COL4A4: variants seen among roughly 807,000 people sequenced by gnomAD.
COL4A4 encodes collagen type IV alpha 4 chain.
In COL4A4, 105 loss-of-function variants were observed where a neutral mutation model predicts 192.9. That is an observed-to-expected ratio of 0.54 (90% confidence interval 0.46 to 0.64). The LOEUF is 0.64. Ranked by LOEUF, COL4A4 falls within the 30% of genes least tolerant of loss-of-function variation. The probability of loss-of-function intolerance (pLI) is 0.00; values close to 1 mark genes in which losing one functional copy is unlikely to be tolerated. For missense variants in COL4A4, 1,967 were observed against 2,169.3 expected (o/e 0.91, Z 1.85); for synonymous variants, 762 against 769.9 (o/e 0.99, Z 0.17).
chr2:227,100,723 G>A (rs1283122347), intron 17 of COL4A4, among the ~76,000 whole-genome samples: 2 of 152,024 alleles, frequency 1.3e-5, no homozygotes, highest in Non-Finnish European at 2.9e-5. Flanking sequence ...ATCTTGAATG[G>A]TAACTCCTAC....
chr2:227,067,046 A>G (rs1401285248), intron 25 of COL4A4, among the ~76,000 whole-genome samples: 1 of 151,674 alleles, frequency 6.6e-6, no homozygotes, highest in Non-Finnish European at 1.5e-5. Context: ...TGGAAAACAA[A>G]AAAAGGCAGG....
At chr2:227,139,084 A>C (rs995943181) in intron 4 of COL4A4, among the ~76,000 whole-genome samples, 7 of 152,198 alleles carry the variant, frequency 4.6e-5, no homozygotes, top group African/African-American at 1.7e-4. Context: ...ATGAATGCCC[A>C]TATAAATGGG....
rs574465888 is a variant in COL4A4 at position 227,041,554 on chromosome 2, T to C, written c.3505+594A>G. The stretch of plus-strand genomic sequence containing the variant: ...TACTTAGGAGGCTGAGGCAGGAGAA[T>C]TGCTTGAACCTGGGAGGTGGAGGTT... On this transcript the variant is annotated intron_variant, in intron 37 of 47. Coordinates refer to ENST00000396625, the MANE Select transcript of COL4A4 (RefSeq NM_000092.5). 5.3e-5 allele frequency among the ~76,000 whole-genome samples: 8 copies of C among 150,642 alleles called. No individual in the cohort carries two copies. The South Asian group carries it at 1.7e-3, about 32-fold the overall frequency.
At chr2:227,031,286 C>G (rs957749066) in intron 40 of COL4A4, among the ~76,000 whole-genome samples, 1 of 152,064 alleles carries the variant, frequency 6.6e-6, no homozygotes, top group African/African-American at 2.4e-5. Context: ...CCTAAAGATT[C>G]AAAGATGATG....
At chr2:227,133,265 G>A (rs957097494) in intron 4 of COL4A4, among the ~76,000 whole-genome samples, 1 of 152,174 alleles carries the variant, frequency 6.6e-6, no homozygotes, top group Non-Finnish European at 1.5e-5. Context: ...ACTGCCTTCA[G>A]ACCCAAACCA....
chr2:227,051,296 T>A, intron 32 of COL4A4, 138 bp from the exon 33 acceptor site: 1 of 860,026 alleles, frequency 1.2e-6, no homozygotes, highest in Non-Finnish European at 1.9e-6. Flanking sequence ...AGCCGCTTCC[T>A]GATCATTTCT....
intron 28 of COL4A4, among the ~76,000 whole-genome samples, chr2:227,058,324 A>G (rs886634963): frequency 6.6e-6 from 1 of 152,114 alleles, no homozygotes; most frequent in Non-Finnish European, 1.5e-5. Context: ...TCTGCTGTGG[A>G]TAATACTACA....
the COL4A4 span, among the ~76,000 whole-genome samples, chr2:226,970,617 A>G: frequency 6.6e-6 from 1 of 152,236 alleles, no homozygotes; most frequent in African/African-American, 2.4e-5. Context: ...AAACATAGCG[A>G]GAGGCACTCA....
intron 4 of COL4A4, among the ~76,000 whole-genome samples, chr2:227,124,747 C>A (rs2061990613): frequency 6.6e-6 from 1 of 152,192 alleles, no homozygotes. Flanking sequence ...CAAACAATGA[C>A]TTCAGAGCAC....
intron 17 of COL4A4, among the ~76,000 whole-genome samples, chr2:227,100,966 G>A (rs1408766440): frequency 9.2e-5 from 14 of 151,882 alleles, no homozygotes; most frequent in Non-Finnish European, 5.9e-5. Flanking sequence ...CACCACGCCT[G>A]GCTAATTTTG....
chr2:227,030,415 A>G, intron 41 of COL4A4, 28 bp downstream of exon 41: 1 of 1,612,532 alleles, frequency 6.2e-7, no homozygotes, highest in Non-Finnish European at 8.5e-7. Flanking sequence ...AGTTATTCAC[A>G]TATTACTTAA....
At chr2:226,978,273 C>T in the COL4A4 span, among the ~76,000 whole-genome samples, 106 of 152,124 alleles carry the variant, frequency 7.0e-4, no homozygotes, top group African/African-American at 2.4e-3. Context: ...CTTTTTTCTC[C>T]ATGTACCAAT....
chr2:227,002,647 G>T (rs1400515162), downstream of COL4A4: 1 of 152,522 alleles, frequency 6.6e-6, no homozygotes, highest in African/African-American at 2.4e-5. Context: ...TACAATGTAA[G>T]CTAGAAGAAA....
At chr2:227,079,625 C>G (rs1183478673) in intron 24 of COL4A4, among the ~76,000 whole-genome samples, 1 of 152,186 alleles carries the variant, frequency 6.6e-6, no homozygotes, top group Non-Finnish European at 1.5e-5. Flanking sequence ...GCAGGCAGCA[C>G]AGGTTGGTAG....
intron 9 of COL4A4, among the ~76,000 whole-genome samples, chr2:227,110,853 C>T (rs530332770): frequency 2.0e-5 from 3 of 148,824 alleles, no homozygotes; most frequent in African/African-American, 5.0e-5. Context: ...TGGCTAATTT[C>T]GTATTTTTAG....
intron 4 of COL4A4, among the ~76,000 whole-genome samples, chr2:227,139,657 A>G (rs2063063048): frequency 6.6e-6 from 1 of 152,236 alleles, no homozygotes; most frequent in South Asian, 2.1e-4. Context: ...CAATGAGCAG[A>G]AGCATTTTGA....
At chr2:227,016,495 G>T (rs112769366) in intron 44 of COL4A4, among the ~76,000 whole-genome samples, 1 of 152,156 alleles carries the variant, frequency 6.6e-6, no homozygotes, top group Non-Finnish European at 1.5e-5. Context: ...ATTCATTTAC[G>T]TGTTATCTAC....
chr2:227,056,467 GAGA>G (rs1396500876), intron 29 of COL4A4, among the ~76,000 whole-genome samples: 3 of 152,186 alleles, frequency 2.0e-5, no homozygotes, highest in South Asian at 2.1e-4. Flanking sequence ...CTCTACAGCC[GAGA>G]AGAAGTCAGA....
Position 227,134,833 on chromosome 2 carries a change from G to A in COL4A4, c.192+5328C>T, listed in dbSNP as rs1459551137. Among the ~76,000 whole-genome samples, 4 of 152,214 alleles carry A rather than the reference G, an allele frequency of 2.6e-5. No homozygotes were observed. The East Asian group carries it at 7.7e-4, about 29-fold the overall frequency. On this transcript the variant is annotated intron_variant, in intron 4 of 47. Coordinates refer to ENST00000396625, the MANE Select transcript of COL4A4 (RefSeq NM_000092.5). Reference sequence around the variant, plus strand: ...TTTACGTCATTTGACCTCCGTGTTTGTAAAACCACCACATCATAAGGTTTT... The same window carrying A: ...TTTACGTCATTTGACCTCCGTGTTTATAAAACCACCACATCATAAGGTTTT...
Sources: allele counts gnomAD v4.1 joint callset (sites outside exome capture counted in the v4.1 genomes callset), GRCh38; gene constraint gnomAD v4.1.1; transcripts MANE v1.5; gene names NCBI Gene and HGNC (gene_info 2026-07-23, HGNC 2026-07-21).